CDH13: variants seen among roughly 807,000 people sequenced by gnomAD.
CDH13 encodes cadherin-13.
CDH13 carries 24 observed loss-of-function variants against 63.8 expected under a neutral mutation model. That is an observed-to-expected ratio of 0.38 (90% CI 0.27 to 0.53). CDH13 has a LOEUF of 0.53. CDH13 is among the 20% of genes least tolerant of loss of function. The probability of loss-of-function intolerance (pLI) is 0.85; values close to 1 mark genes in which losing one functional copy is unlikely to be tolerated. For missense variants in CDH13, 1,049 were observed against 903.1 expected (o/e 1.16, Z -2.07); for synonymous variants, 503 against 355.3 (o/e 1.42, Z -4.67).
chr16:82,944,027 G>C (rs1332283694), intron 2 of CDH13, among the ~76,000 whole-genome samples: 1 of 152,150 alleles, frequency 6.6e-6, no homozygotes, highest in African/African-American at 2.4e-5. Flanking sequence ...TATCAGCTGA[G>C]TCCCCTTGAG....
At position 83,379,938 on chromosome 16, in the gene CDH13, T is replaced by TATATATAGAGAGAGAGAGAGAGAGAG; in HGVS notation, c.781+34933_781+34934insTATATAGAGAGAGAGAGAGAGAGAGA. ...GTGTGTGTATATATATATATATATA[T>TATATATAGAGAGAGAGAGAGAGAGAG]AGAGAGAGAGAGAGAGAGAGAGAGA... On this transcript the variant is annotated intron_variant, in intron 6 of 13. Transcript: ENST00000567109. Among the ~76,000 whole-genome samples, 349 of 123,386 alleles carry TATATATAGAGAGAGAGAGAGAGAGAG rather than the reference T, an allele frequency of 2.8e-3. 3 individuals carry two copies. The highest frequency in any genetic ancestry group is 6.2e-3 in the African/African-American group (191 of 30,686). The allele number at this position is 123,386 out of a possible 152,430, so 80.9% of individuals were successfully genotyped here.
intron 2 of CDH13, among the ~76,000 whole-genome samples, chr16:82,893,315 A>G (rs1420530897): frequency 1.3e-5 from 2 of 152,270 alleles, no homozygotes; most frequent in Admixed American, 6.5e-5. Context: ...CCAAAAATAG[A>G]TAAAGGCACT....
At chr16:82,841,513 T>C (rs1024220851) in intron 1 of CDH13, among the ~76,000 whole-genome samples, 4 of 152,196 alleles carry the variant, frequency 2.6e-5, no homozygotes, top group African/African-American at 9.7e-5. Flanking sequence ...GAGCTAGGAC[T>C]CCAGATAAAA....
In CDH13 at chr16:83,023,875, G is replaced by A. The variant is rs149087359; in HGVS notation, c.158-8135G>A. On this transcript the variant is annotated intron_variant, in intron 2 of 13. Transcript: ENST00000567109. ...TTTTCTCCAGGAGAAAGAAGAAAAC[G>A]TAAAAGAAAATGTTGTGGCTTGTTT... 3.3e-3 allele frequency among the ~76,000 whole-genome samples: 504 copies of A among 152,240 alleles called. 1 individual carries two copies. Among genetic ancestry groups the A allele is most frequent in the Non-Finnish European group, 5.3e-3 (360 of 68,010 alleles).
At chr16:83,384,071 G>T (rs894928525) in intron 6 of CDH13, among the ~76,000 whole-genome samples, 1 of 152,048 alleles carries the variant, frequency 6.6e-6, no homozygotes, top group South Asian at 2.1e-4. Flanking sequence ...TACAACTACT[G>T]TATCTCTCTG....
chr16:82,654,128 G>T (rs956024900), intron 1 of CDH13, among the ~76,000 whole-genome samples: 1 of 152,130 alleles, frequency 6.6e-6, no homozygotes, highest in African/African-American at 2.4e-5. Context: ...GGCCTACACT[G>T]CACCAGCCAG....
chr16:83,283,718 A>G (rs1369362502), intron 5 of CDH13, among the ~76,000 whole-genome samples: 3 of 152,120 alleles, frequency 2.0e-5, no homozygotes, highest in East Asian at 1.9e-4. Context: ...CCTTGCCATC[A>G]TCGGCCTCTC....
intron 6 of CDH13, among the ~76,000 whole-genome samples, chr16:83,436,476 A>G (rs79814372): frequency 9.4e-6 from 1 of 106,442 alleles, no homozygotes; most frequent in Non-Finnish European, 2.2e-5. Flanking sequence ...AATCTAATTA[A>G]AAAAAAAAAA....
chr16:83,345,479 G>A (rs1043031724), intron 6 of CDH13, among the ~76,000 whole-genome samples: 3 of 152,144 alleles, frequency 2.0e-5, no homozygotes. Context: ...GAAATCTTTT[G>A]TCTTCAGTCA....
intron 2 of CDH13, among the ~76,000 whole-genome samples, chr16:82,979,470 A>G (rs1909974148): frequency 6.6e-6 from 1 of 152,108 alleles, no homozygotes; most frequent in South Asian, 2.1e-4. Flanking sequence ...CGACTGGATC[A>G]TGGGGGTGGT....
rs115661493 is a variant in CDH13, at chr16:83,364,418, C to T, written c.781+19412C>T. On this transcript the variant is annotated intron_variant, in intron 6 of 13. Coordinates refer to ENST00000567109, the MANE Select transcript of CDH13 (RefSeq NM_001257.5). Reference sequence around the variant, plus strand: ...ACCTCATTTCAGCCTTGCATTATCCCGAGAAATAGATAAAGGAGTTCTCAT... The same window carrying T: ...ACCTCATTTCAGCCTTGCATTATCCTGAGAAATAGATAAAGGAGTTCTCAT... 2.5e-3 allele frequency among the ~76,000 whole-genome samples: 388 copies of T among 152,242 alleles called. 1 individual carries two copies. Among genetic ancestry groups the T allele is most frequent in the African/African-American group, 8.8e-3 (365 of 41,520 alleles).
At chr16:83,484,105 C>T (rs764538031) in intron 6 of CDH13, among the ~76,000 whole-genome samples, 2 of 152,166 alleles carry the variant, frequency 1.3e-5, no homozygotes, top group East Asian at 1.9e-4. Context: ...CAAATCAATC[C>T]AACCTTGAGG....
intron 6 of CDH13, among the ~76,000 whole-genome samples, chr16:83,346,486 A>G (rs1456331823): frequency 6.6e-6 from 1 of 152,186 alleles, no homozygotes; most frequent in Non-Finnish European, 1.5e-5. Flanking sequence ...TATCTGTGGT[A>G]CTCGGGCCCC....
chr16:83,789,200 C>T (rs1469780562), intron 13 of CDH13, among the ~76,000 whole-genome samples: 1 of 152,144 alleles, frequency 6.6e-6, no homozygotes, highest in Non-Finnish European at 1.5e-5. Context: ...TAAAAGCAGA[C>T]ATCAAAGTGG....
chr16:82,828,984 A>G (rs377305811), intron 1 of CDH13, among the ~76,000 whole-genome samples: 11 of 152,142 alleles, frequency 7.2e-5, no homozygotes, highest in African/African-American at 2.7e-4. Context: ...CACAGTGAAC[A>G]CAAGATTAGA....
intron 6 of CDH13, among the ~76,000 whole-genome samples, chr16:83,472,822 G>A (rs1218970184): frequency 6.6e-6 from 1 of 152,166 alleles, no homozygotes; most frequent in African/African-American, 2.4e-5. Flanking sequence ...CTACTGTGTG[G>A]CTGGCCCTGT....
intron 10 of CDH13, among the ~76,000 whole-genome samples, chr16:83,704,655 C>T (rs1446845510): frequency 6.6e-6 from 1 of 152,226 alleles, no homozygotes; most frequent in African/African-American, 2.4e-5. Context: ...TTGCCAATTA[C>T]ATGGTCACTA....
At chr16:82,838,033 T>C (rs2038843765) in intron 1 of CDH13, among the ~76,000 whole-genome samples, 1 of 152,196 alleles carries the variant, frequency 6.6e-6, no homozygotes, top group Non-Finnish European at 1.5e-5. Context: ...TCCCCAGTAC[T>C]ACCTGTTAAC....
At chr16:83,592,076 A>G (rs529657536) in intron 7 of CDH13, among the ~76,000 whole-genome samples, 19 of 152,048 alleles carry the variant, frequency 1.2e-4, no homozygotes, top group Non-Finnish European at 2.4e-4. Context: ...TTGTAATTCC[A>G]CAGAACTCTG....
Sources: allele counts gnomAD v4.1 joint callset (sites outside exome capture counted in the v4.1 genomes callset), GRCh38; gene constraint gnomAD v4.1.1; transcripts MANE v1.5; gene names NCBI Gene and HGNC (gene_info 2026-07-23, HGNC 2026-07-21).